Variants in BLTP2 observed in about 807,000 individuals in gnomAD.
BLTP2 encodes U937-associated antigen.
the BLTP2 span, chr17:28,616,369 T>A: frequency 6.2e-7 from 1 of 1,614,138 alleles, no homozygotes. This position sits in a 1 kb window ranked among gnomAD's most constrained non-coding sequence, Gnocchi z 4.8. Context: ...ATCAGGGGCA[T>A]GTTTGGTACC....
the BLTP2 span, chr17:28,616,807 T>C: frequency 1.2e-6 from 2 of 1,611,668 alleles, no homozygotes; most frequent in Non-Finnish European, 1.7e-6. This position sits in a 1 kb window ranked among gnomAD's most constrained non-coding sequence, Gnocchi z 4.8. Flanking sequence ...ATCATCAGTT[T>C]ACCTACTCCT....
the BLTP2 span, among the ~76,000 whole-genome samples, chr17:28,636,345 G>A: frequency 1.3e-5 from 2 of 152,190 alleles, no homozygotes; most frequent in South Asian, 2.1e-4. Flanking sequence ...ATACTGGAAA[G>A]CCTCTCAAAA....
chr17:28,643,977 T>C, the BLTP2 span: 1 of 1,510,402 alleles, frequency 6.6e-7, no homozygotes, highest in Non-Finnish European at 8.9e-7. Context: ...CCAGGATTTC[T>C]ATTTTTAAAA....
At chr17:28,635,571 G>A in the BLTP2 span, 2 of 1,614,064 alleles carry the variant, frequency 1.2e-6, no homozygotes, top group Non-Finnish European at 1.7e-6. Context: ...TGTGATCTGG[G>A]GGGCTCCAAA....
the BLTP2 span, chr17:28,645,110 A>G: frequency 4.0e-6 from 6 of 1,512,948 alleles, no homozygotes; most frequent in Admixed American, 6.0e-5. Flanking sequence ...CCGGGCCCCG[A>G]CGCCGGATCC....
At chr17:28,634,078 T>C in the BLTP2 span, 2 of 1,613,920 alleles carry the variant, frequency 1.2e-6, no homozygotes, top group Non-Finnish European at 1.7e-6. Flanking sequence ...GGATAGTCCC[T>C]GATCCGAACT....
chr17:28,641,911 T>A, the BLTP2 span: 2 of 1,613,560 alleles, frequency 1.2e-6, no homozygotes, highest in Non-Finnish European at 1.7e-6. Flanking sequence ...CAGGCTTAGA[T>A]GCTAGGCTTG....
At chr17:28,633,110 G>A in the BLTP2 span, 4 of 1,588,886 alleles carry the variant, frequency 2.5e-6, no homozygotes, top group African/African-American at 5.4e-5. Context: ...AGCCACTGCA[G>A]GTCCAGTGTC....
At chr17:28,627,612 T>A in the BLTP2 span, among the ~76,000 whole-genome samples, 3 of 152,110 alleles carry the variant, frequency 2.0e-5, no homozygotes, top group Admixed American at 1.3e-4. Context: ...TTTCACCGTG[T>A]TAGCCAGGAT....
At chr17:28,642,467 C>A in the BLTP2 span, 1 of 717,748 alleles carries the variant, frequency 1.4e-6, no homozygotes, top group Non-Finnish European at 2.4e-6. Flanking sequence ...CTGACTAACA[C>A]GGTGAAACCT....
At chr17:28,619,064 C>A in the BLTP2 span, 3 of 981,506 alleles carry the variant, frequency 3.1e-6, no homozygotes, top group East Asian at 7.7e-5. Context: ...AGGAGGTAAA[C>A]CCAGAAATTA....
chr17:28,635,224 A>G, the BLTP2 span: 1 of 1,613,948 alleles, frequency 6.2e-7, no homozygotes, highest in Non-Finnish European at 8.5e-7. Flanking sequence ...CTGCACCTCC[A>G]CCTCCTTGAA....
At chr17:28,624,041 A>T in the BLTP2 span, 1 of 1,430,108 alleles carries the variant, frequency 7.0e-7, no homozygotes, top group Non-Finnish European at 9.7e-7. Context: ...CAACCACTGC[A>T]GCTAGGTCTA....
At chr17:28,633,819 A>C in the BLTP2 span, 2 of 1,601,786 alleles carry the variant, frequency 1.2e-6, no homozygotes, top group Admixed American at 3.3e-5. Flanking sequence ...TTCACTCCAG[A>C]AGGGTCTCAG....
chr17:28,629,513 T>G, the BLTP2 span, among the ~76,000 whole-genome samples: 2 of 152,048 alleles, frequency 1.3e-5, no homozygotes, highest in African/African-American at 4.8e-5. Context: ...AGTCTCACTC[T>G]TGTCGTCCAG....
the BLTP2 span, among the ~76,000 whole-genome samples, chr17:28,630,480 T>TG: frequency 5.5e-5 from 8 of 146,778 alleles, no homozygotes; most frequent in South Asian, 1.3e-3. Flanking sequence ...TTTTTTTTTT[T>TG]TTTTTTTTTT....
the BLTP2 span, chr17:28,632,996 G>GA: frequency 1.9e-6 from 3 of 1,570,382 alleles, no homozygotes; most frequent in Non-Finnish European, 2.6e-6. Context: ...TTCTCCGAGC[G>GA]AAAGGCCCGG....
the BLTP2 span, chr17:28,624,498 CT>C: frequency 1.1e-6 from 1 of 931,380 alleles, no homozygotes; most frequent in Non-Finnish European, 1.6e-6. Flanking sequence ...TAGGTAAGAG[CT>C]TAGAATACAT....
chr17:28,628,210 G>T, the BLTP2 span: 1 of 1,461,944 alleles, frequency 6.8e-7, no homozygotes, highest in Non-Finnish European at 9.5e-7. Context: ...TCCTGTCCAA[G>T]CCCATATCCA....
Sources: gnomAD v4.1 joint callset for allele counts (sites outside exome capture counted in the v4.1 genomes callset) on GRCh38, gnomAD v4.1.1 for gene constraint, Gnocchi (gnomAD v3.1) non-coding constraint, MANE v1.5 for transcripts, NCBI Gene and HGNC (gene_info 2026-07-23, HGNC 2026-07-21) for gene names.